The following FAM20C variants were observed in gnomAD, a reference collection of about 807,000 sequenced individuals.
FAM20C encodes the protein extracellular serine/threonine protein kinase FAM20C.
A neutral mutation model predicts 51.5 loss-of-function variants in FAM20C; 40 were observed. That is an observed-to-expected ratio of 0.78 (90% CI 0.60 to 1.01). The LOEUF (loss-of-function observed/expected upper bound fraction) is 1.01. Among genes scored for constraint, FAM20C ranks in the 50% least tolerant of loss-of-function variants. The pLI is 0.00. For synonymous variants in FAM20C, 406 were observed against 380.6 expected, an observed-to-expected ratio of 1.07 and a Z score of -0.78; for missense variants, 861 against 844.7, an observed-to-expected ratio of 1.02 and a Z score of -0.24.
intron 3 of FAM20C, among the ~76,000 whole-genome samples, chr7:230,944 C>G (rs372935310): frequency 2.0e-5 from 3 of 152,152 alleles, no homozygotes; most frequent in South Asian, 4.1e-4. Flanking sequence ...TGCTGGACCC[C>G]GGTGGGTCCT....
chr7:230,485 G>A (rs1212540272), intron 3 of FAM20C, among the ~76,000 whole-genome samples: 7 of 151,768 alleles, frequency 4.6e-5, no homozygotes, highest in Non-Finnish European at 8.8e-5. Flanking sequence ...AACACCAGGA[G>A]CCCTTCACGA....
chr7:258,667 C>G lies in FAM20C; in HGVS notation c.1467C>G (p.Asp489Glu), dbSNP rs1183155948. 3 of 1,536,754 alleles carry G rather than the reference C, an allele frequency of 2.0e-6. No homozygotes were observed. Among genetic ancestry groups the G allele is most frequent in the Non-Finnish European group, 2.6e-6 (3 of 1,146,550 alleles). The change falls in exon 9 of 10, where the codon GAC becomes GAG. Residue 489 changes from aspartate (D) to glutamate (E), a missense_variant. Physicochemically the swap from Asp to Glu is conservative, Grantham distance 45. Transcript: ENST00000313766. ...NGRGFGKYSH[D>E]ELSILVPLQQ... ...GAAGGTTTGGGAAGTATTCGCACGACGAGCTCTCCATCCTGGTGCCGCTAC... is the reference window on the plus strand; with the variant it reads ...GAAGGTTTGGGAAGTATTCGCACGAGGAGCTCTCCATCCTGGTGCCGCTAC...
chr7:193,975 T>C lies in FAM20C; in HGVS notation c.605+171T>C, dbSNP rs927713881. The C allele has an allele frequency of 4.7e-6, 5 of 1,065,278 alleles. No individual in the cohort carries two copies. In the East Asian group the frequency reaches 1.5e-4, roughly 32 times the overall value. 66.0% of individuals were successfully genotyped at this position (1,065,278 alleles called of 1,614,324 possible). On this transcript the variant is annotated intron_variant, in intron 1 of 9. Coordinates refer to ENST00000313766, the MANE Select transcript of FAM20C (RefSeq NM_020223.4). ...CAGGGCGCTGCCTTTGTCTCCAGAA[T>C]AACCTCCTCCTTGGGAGGGGCTGCC...
intron 3 of FAM20C, among the ~76,000 whole-genome samples, chr7:241,615 C>A (rs917346355): frequency 1.7e-4 from 25 of 150,948 alleles, no homozygotes; most frequent in African/African-American, 5.4e-4. Context: ...TCCATGCACA[C>A]GTGTGCATCT....
Position 223,615 on chromosome 7 carries a change from C to G in FAM20C, c.863+14639C>G, listed in dbSNP as rs924148809. Among the ~76,000 whole-genome samples, 4 of 152,302 alleles carry G rather than the reference C, an allele frequency of 2.6e-5. No individual in the cohort carries two copies. The East Asian group carries it at 7.7e-4, about 29-fold the overall frequency. On this transcript the variant is annotated intron_variant, in intron 3 of 9. Transcript: ENST00000313766. ...CTCGTCTGTGTGTGGGGCGTCCCGG[C>G]TGCTGCACCGAGCCCCGTGGGGACG...
intron 3 of FAM20C, among the ~76,000 whole-genome samples, chr7:211,108 C>T (rs1487787004): frequency 6.7e-6 from 1 of 149,788 alleles, no homozygotes; most frequent in Non-Finnish European, 1.5e-5. Flanking sequence ...CCCTCCGCCT[C>T]CCCCAGCCTT....
intron 3 of FAM20C, chr7:228,007 C>T (rs1787510646): frequency 6.2e-6 from 1 of 162,374 alleles, no homozygotes; most frequent in Non-Finnish European, 1.4e-5. Flanking sequence ...TCCTGCAGAC[C>T]CGGGAGGGGT....
intron 3 of FAM20C, among the ~76,000 whole-genome samples, chr7:241,466 G>A (rs1041538546): frequency 6.6e-6 from 1 of 152,098 alleles, no homozygotes; most frequent in African/African-American, 2.4e-5. Flanking sequence ...AGCCAGCCCC[G>A]CTGCAAGGCT....
intron 2 of FAM20C, among the ~76,000 whole-genome samples, chr7:196,299 C>G (rs533636480): frequency 6.6e-6 from 1 of 152,348 alleles, no homozygotes; most frequent in Non-Finnish European, 1.5e-5. Flanking sequence ...GGCAACATCT[C>G]CAGGTACTTT....
intron 1 of FAM20C, among the ~76,000 whole-genome samples, chr7:194,802 G>A (rs1430071998): frequency 6.6e-6 from 1 of 151,318 alleles, no homozygotes; most frequent in Non-Finnish European, 1.5e-5. Flanking sequence ...GTCCACCGCA[G>A]GACAGAGCTT....
At chr7:202,025 A>G (rs1786152388) in intron 2 of FAM20C, among the ~76,000 whole-genome samples, 1 of 152,242 alleles carries the variant, frequency 6.6e-6, no homozygotes, top group Non-Finnish European at 1.5e-5. Context: ...TATCCGGGCG[A>G]TAGGATTCTT....
At chr7:233,272 T>C (rs1787752858) in intron 3 of FAM20C, among the ~76,000 whole-genome samples, 1 of 152,178 alleles carries the variant, frequency 6.6e-6, no homozygotes, top group Non-Finnish European at 1.5e-5. Flanking sequence ...CTCTCGATCA[T>C]TCTGTGTGGT....
At chr7:234,783 G>T (rs1787801834) in intron 3 of FAM20C, among the ~76,000 whole-genome samples, 1 of 152,172 alleles carries the variant, frequency 6.6e-6, no homozygotes, top group South Asian at 2.1e-4. Flanking sequence ...GTTTGGGACG[G>T]ACAGCCCCAG....
intron 3 of FAM20C, among the ~76,000 whole-genome samples, chr7:230,139 G>T (rs142581480): frequency 1.3e-5 from 2 of 152,216 alleles, no homozygotes; most frequent in African/African-American, 4.8e-5. Flanking sequence ...TTCGAGATGA[G>T]GACTTTCCCT....
chr7:203,073 G>C (rs1786205363), intron 2 of FAM20C, among the ~76,000 whole-genome samples: 1 of 152,184 alleles, frequency 6.6e-6, no homozygotes, highest in African/African-American at 2.4e-5. Context: ...TAGCAGGTGA[G>C]TCTCTGAGAC....
intron 2 of FAM20C, among the ~76,000 whole-genome samples, chr7:196,901 C>G (rs1785899362): frequency 6.6e-6 from 1 of 152,186 alleles, no homozygotes; most frequent in Non-Finnish European, 1.5e-5. Context: ...GCTGGGAGTC[C>G]TCTTCCCTCC....
chr7:248,497 C>A (rs1395532966), intron 5 of FAM20C, 67 bp downstream of exon 5: 1 of 1,286,008 alleles, frequency 7.8e-7, no homozygotes, highest in Non-Finnish European at 1.1e-6. Flanking sequence ...GCATTCATCT[C>A]TCCAGGTAGC....
In FAM20C at chr7:258,834, A is replaced by G. The variant is rs1166783617; in HGVS notation, c.1505+129A>G. 42 of 949,852 alleles carry G rather than the reference A, an allele frequency of 4.4e-5. No homozygotes were observed. The Admixed American group carries it at 1.2e-3, about 26-fold the overall frequency. 58.8% of individuals were successfully genotyped at this position (949,852 alleles called of 1,614,324 possible). Reference sequence around the variant, plus strand: ...GAGAGAAAAGGCCCCGAATTCAACCACAGCCCTGAATTCAACCCACACCCT... The same window carrying G: ...GAGAGAAAAGGCCCCGAATTCAACCGCAGCCCTGAATTCAACCCACACCCT... On this transcript the variant is annotated intron_variant, in intron 9 of 9. Transcript: ENST00000313766.
intron 3 of FAM20C, among the ~76,000 whole-genome samples, chr7:241,073 G>C (rs1425599519): frequency 9.6e-6 from 1 of 104,438 alleles, no homozygotes; most frequent in Non-Finnish European, 2.0e-5. Flanking sequence ...GGGCTGGGGT[G>C]AGCTTCGGGG....
Sources: gnomAD v4.1 joint callset for allele counts (sites outside exome capture counted in the v4.1 genomes callset) on GRCh38, gnomAD v4.1.1 for gene constraint, MANE v1.5 for transcripts, NCBI Gene and HGNC (gene_info 2026-07-23, HGNC 2026-07-21) for gene names.